The following CTHRC1 variants were observed in gnomAD, a reference collection of about 807,000 sequenced individuals.
CTHRC1 encodes the protein collagen triple helix repeat containing 1, also known as collagen triple helix repeat-containing protein 1.
Under a neutral mutation model 25.9 loss-of-function variants are expected in CTHRC1, and 21 were observed. That is an observed-to-expected ratio of 0.81 (90% CI 0.57 to 1.17). The LOEUF (loss-of-function observed/expected upper bound fraction) is 1.17. CTHRC1 is among the 50% of genes most tolerant of loss of function. CTHRC1 has a pLI of 0.00. For synonymous variants in CTHRC1, 109 were observed against 113.1 expected (o/e 0.96, Z 0.23); for missense variants, 281 against 304.3 (o/e 0.92, Z 0.57).
chr8:103,371,546 C>G lies in CTHRC1; in HGVS notation c.-111C>G. The G allele has an allele frequency of 8.5e-7, 1 of 1,181,532 alleles. No homozygotes were observed. The highest frequency in any genetic ancestry group is 1.2e-6 in the Non-Finnish European group (1 of 852,094). The allele number at this position is 1,181,532 out of a possible 1,614,324, so 73.2% of individuals were successfully genotyped here. ...GAGAGAGGCGCGCGGGTGAAAGGCGCATTGATGCAGCCTGCGGCGGCCTCG... is the reference window on the plus strand; with the variant it reads ...GAGAGAGGCGCGCGGGTGAAAGGCGGATTGATGCAGCCTGCGGCGGCCTCG... On this transcript the variant is annotated 5_prime_UTR_variant, in exon 1 of 4. Coordinates refer to ENST00000330295, the MANE Select transcript of CTHRC1 (RefSeq NM_138455.4).
chr8:103,377,703 A>C (rs1815828918), intron 2 of CTHRC1, among the ~76,000 whole-genome samples: 1 of 152,238 alleles, frequency 6.6e-6, no homozygotes, highest in African/African-American at 2.4e-5. Flanking sequence ...TCTTGGGTTC[A>C]AGCGATTCTC....
chr8:103,376,886 T>TAAG (rs1243053336), intron 2 of CTHRC1, among the ~76,000 whole-genome samples: 4 of 152,250 alleles, frequency 2.6e-5, no homozygotes, highest in African/African-American at 7.2e-5. Context: ...CTATGACCTT[T>TAAG]TCTGTGTTCA....
At chr8:103,378,476 C>T (rs1387611536) in intron 3 of CTHRC1, among the ~76,000 whole-genome samples, 2 of 152,154 alleles carry the variant, frequency 1.3e-5, no homozygotes, top group African/African-American at 4.8e-5. Flanking sequence ...GCAGTAAGAC[C>T]ACAGCTTCTG....
chr8:103,376,652 T>C (rs761002670), intron 2 of CTHRC1, among the ~76,000 whole-genome samples: 2 of 152,234 alleles, frequency 1.3e-5, no homozygotes, highest in Non-Finnish European at 2.9e-5. Flanking sequence ...CTTTTCTCTG[T>C]TGATGAACTC....
At chr8:103,374,190 A>T (rs1187760281) in intron 1 of CTHRC1, among the ~76,000 whole-genome samples, 1 of 152,144 alleles carries the variant, frequency 6.6e-6, no homozygotes, top group African/African-American at 2.4e-5. Context: ...CCAAAACTCA[A>T]ACTGGCGATG....
At position 103,382,951 on chromosome 8, in the gene CTHRC1, T is replaced by A. The variant is rs905727993; in HGVS notation, c.*351T>A. On this transcript the variant is annotated 3_prime_UTR_variant, in exon 4 of 4. Transcript: ENST00000330295. ...TTGTACAATTTGTAAATGTTAAGAA[T>A]TTTTTTTATATCTGTTAAATAAAAA... is the stretch of plus-strand genomic sequence containing the variant. The A allele has an allele frequency of 2.8e-5, 5 of 177,792 alleles. No homozygotes were observed. The highest frequency in any genetic ancestry group is 1.2e-4 in the African/African-American group (5 of 41,588). The allele number at this position is 177,792 out of a possible 1,614,324, so 11.0% of individuals were successfully genotyped here.
intron 2 of CTHRC1, 55 bp from the exon 3 acceptor site, chr8:103,377,972 C>A (rs1815835627): frequency 7.0e-7 from 1 of 1,423,752 alleles, no homozygotes; most frequent in African/African-American, 1.4e-5. Flanking sequence ...CTCAAAAGCT[C>A]TTTTTAATTA....
chr8:103,382,482 G>T lies in CTHRC1; in HGVS notation c.614G>T (p.Gly205Val), dbSNP rs35877609. Residue 205 changes from glycine (G) to valine (V), a missense_variant, in exon 4 of 4, where the codon GGT becomes GTT. Physicochemically the swap from Gly to Val is moderately radical, Grantham distance 109. Transcript: ENST00000330295. The part of the protein sequence containing the change: ...SSVEGLCEGI[G>V]AGLVDVAIWV... ...GTGGAAGGACTTTGTGAAGGAATTG[G>T]TGCTGGATTAGTGGATGTTGCTATC... 3.5e-4 allele frequency: 562 copies of T among 1,613,774 alleles called. 1 individual carries two copies. In the African/African-American group the frequency reaches 7.0e-3, roughly 20 times the overall value.
intron 2 of CTHRC1, 101 bp downstream of exon 2, chr8:103,376,060 T>A: frequency 1.1e-6 from 1 of 909,126 alleles, no homozygotes; most frequent in Non-Finnish European, 1.8e-6. Context: ...CTAAAAGACT[T>A]AAAAAAGAGA....
At chr8:103,378,330 T>A in intron 3 of CTHRC1, 87 bp downstream of exon 3, 1 of 1,071,198 alleles carries the variant, frequency 9.3e-7, no homozygotes, top group Non-Finnish European at 1.4e-6. Flanking sequence ...TTCACTAGCC[T>A]ACTGTAAAGG....
chr8:103,374,868 C>T lies in CTHRC1; in HGVS notation c.151-870C>T, dbSNP rs189493617. On this transcript the variant is annotated intron_variant, in intron 1 of 3. Coordinates refer to ENST00000330295, the MANE Select transcript of CTHRC1 (RefSeq NM_138455.4). ...GCACCAAAATGTTGAGTAATTTGCC[C>T]TATCTCACAGAGCTAATGTAAGGTG... 9.0e-4 allele frequency among the ~76,000 whole-genome samples: 137 copies of T among 152,282 alleles called. 1 individual carries two copies. The highest frequency in any genetic ancestry group is 8.8e-3 in the Admixed American group (135 of 15,300).
At chr8:103,374,804 CTCTT>C (rs1459012224) in intron 1 of CTHRC1, among the ~76,000 whole-genome samples, 1 of 152,168 alleles carries the variant, frequency 6.6e-6, no homozygotes, top group African/African-American at 2.4e-5. Context: ...TAAAGTAAGA[CTCTT>C]TATTATTATC....
rs576687281 is a variant in CTHRC1, at chr8:103,371,854, C to A, written c.150+48C>A. ...GGGACCGCCGCGCTGGTGGAGGGGA[C>A]CTGGCCGCGCGCCCCACGGGCAGGG... On this transcript the variant is annotated intron_variant, in intron 1 of 3. Transcript: ENST00000330295. The A allele has an allele frequency of 2.0e-4, 284 of 1,455,038 alleles. 1 individual carries two copies. In the African/African-American group the frequency reaches 3.8e-3, roughly 19 times the overall value. 90.1% of individuals were successfully genotyped at this position (1,455,038 alleles called of 1,614,324 possible). A position where few individuals can be genotyped will look rare whatever the true frequency, so the allele number is the denominator to read the frequency against.
chr8:103,381,486 ACT>A (rs1432337793), intron 3 of CTHRC1, among the ~76,000 whole-genome samples: 2 of 59,462 alleles, frequency 3.4e-5, no homozygotes, highest in Admixed American at 1.6e-4. Flanking sequence ...TTAAGAGAAG[ACT>A]TTGGTAAGAT....
At chr8:103,379,892 G>T (rs773843065) in intron 3 of CTHRC1, among the ~76,000 whole-genome samples, 2 of 152,108 alleles carry the variant, frequency 1.3e-5, no homozygotes, top group Non-Finnish European at 2.9e-5. Context: ...ATAAAGAAGA[G>T]ATTTTAACCC....
intron 3 of CTHRC1, among the ~76,000 whole-genome samples, chr8:103,382,210 G>C (rs1268048330): frequency 6.6e-6 from 1 of 152,028 alleles, no homozygotes; most frequent in Non-Finnish European, 1.5e-5. Flanking sequence ...TTTTATGCTT[G>C]AAACCTGTAA....
At chr8:103,375,645 T>G (rs750236918) in intron 1 of CTHRC1, 93 bp from the exon 2 acceptor site, 11 of 1,074,728 alleles carry the variant, frequency 1.0e-5, no homozygotes, top group Non-Finnish European at 1.6e-5. Flanking sequence ...GATTCTTGAC[T>G]CCAAGGGCTC....
At chr8:103,379,670 T>C (rs537945350) in intron 3 of CTHRC1, among the ~76,000 whole-genome samples, 2 of 152,194 alleles carry the variant, frequency 1.3e-5, no homozygotes, top group Admixed American at 6.5e-5. Context: ...ATCATTTCCT[T>C]GATTTCCTGA....
chr8:103,372,394 A>G (rs1815723615), intron 1 of CTHRC1: 1 of 1,417,612 alleles, frequency 7.1e-7, no homozygotes. Flanking sequence ...GCTGCAATTT[A>G]CTTTGTTGGA....
Sources: allele counts gnomAD v4.1 joint callset (sites outside exome capture counted in the v4.1 genomes callset), GRCh38; gene constraint gnomAD v4.1.1; transcripts MANE v1.5; gene names NCBI Gene and HGNC (gene_info 2026-07-23, HGNC 2026-07-21).